Variants in FCHSD2 observed in about 807,000 individuals in gnomAD.
The protein encoded by FCHSD2 is F-BAR and double SH3 domains protein 2.
A neutral mutation model predicts 108.1 loss-of-function variants in FCHSD2; 38 were observed. The ratio of observed to expected loss-of-function variants is 0.35; its 90% confidence interval spans 0.27 to 0.46. The LOEUF (loss-of-function observed/expected upper bound fraction) is 0.46, where lower values mean the gene tolerates loss of function less well. Among genes scored for constraint, FCHSD2 ranks in the 20% least tolerant of loss-of-function variants. The pLI is 1.00. For synonymous variants in FCHSD2, 279 were observed against 314.7 expected (o/e 0.89, Z 1.20); for missense variants, 751 against 897.8 (o/e 0.84, Z 2.09).
intron 2 of FCHSD2, among the ~76,000 whole-genome samples, chr11:73,127,925 G>A (rs1039466401): frequency 6.7e-5 from 10 of 148,986 alleles, no homozygotes; most frequent in South Asian, 2.1e-4. Flanking sequence ...GTGAAGCACC[G>A]TCTCTACTAA....
At chr11:72,925,699 C>T (rs1199749666) in intron 8 of FCHSD2, among the ~76,000 whole-genome samples, 1 of 152,210 alleles carries the variant, frequency 6.6e-6, no homozygotes, top group East Asian at 1.9e-4. Context: ...ATCGAAATGG[C>T]TGCCAAAGCC....
intron 8 of FCHSD2, chr11:72,940,904 A>T: frequency 1.2e-6 from 1 of 863,250 alleles, no homozygotes; most frequent in Non-Finnish European, 2.0e-6. Flanking sequence ...ATCCTCATTG[A>T]TCCATTCCAT....
At chr11:72,959,604 A>G (rs1479347107) in intron 8 of FCHSD2, among the ~76,000 whole-genome samples, 1 of 152,138 alleles carries the variant, frequency 6.6e-6, no homozygotes, top group East Asian at 1.9e-4. Flanking sequence ...TTCTACAGTC[A>G]GTCAGGTGCC....
chr11:72,902,340 G>A (rs1393306639), intron 10 of FCHSD2, among the ~76,000 whole-genome samples: 4 of 152,100 alleles, frequency 2.6e-5, no homozygotes, highest in African/African-American at 9.7e-5. Flanking sequence ...TCATTTGGTA[G>A]AAGGTTGCTA....
intron 13 of FCHSD2, among the ~76,000 whole-genome samples, chr11:72,855,071 C>A (rs910631342): frequency 6.6e-6 from 1 of 152,264 alleles, no homozygotes; most frequent in East Asian, 1.9e-4. Context: ...GTCGGGAGTT[C>A]GAAACCAGTC....
chr11:72,896,764 T>TA (rs58159831), intron 10 of FCHSD2, among the ~76,000 whole-genome samples: 6,564 of 68,418 alleles, frequency 0.096, 296 homozygotes, highest in South Asian at 0.15. Context: ...GGGAAAATAC[T>TA]AAAAAAAAAA....
At chr11:73,130,174 CA>C (rs1019463907) in intron 2 of FCHSD2, among the ~76,000 whole-genome samples, 21 of 152,140 alleles carry the variant, frequency 1.4e-4, no homozygotes, top group African/African-American at 5.1e-4. Context: ...GCGCCTGGCC[CA>C]TAATCTCTTA....
chr11:72,870,275 C>T (rs567976151), intron 12 of FCHSD2, among the ~76,000 whole-genome samples: 7 of 152,170 alleles, frequency 4.6e-5, no homozygotes, highest in African/African-American at 1.4e-4. Flanking sequence ...GTGATAGGCA[C>T]GAAATTATAC....
At chr11:72,921,230 T>C (rs1855970934) in intron 9 of FCHSD2, among the ~76,000 whole-genome samples, 1 of 152,234 alleles carries the variant, frequency 6.6e-6, no homozygotes, top group South Asian at 2.1e-4. Flanking sequence ...TTCCAAAGGA[T>C]AGTTTCACGA....
chr11:73,021,626 G>A (rs903961654), intron 3 of FCHSD2, among the ~76,000 whole-genome samples: 1 of 152,024 alleles, frequency 6.6e-6, no homozygotes, highest in Non-Finnish European at 1.5e-5. Context: ...TAATACCTGG[G>A]TAACGAAATA....
In FCHSD2 at chr11:73,075,898, C is replaced by T. The variant is rs7951007; in HGVS notation, c.165+7797G>A. 9.2e-3 allele frequency among the ~76,000 whole-genome samples: 1,395 copies of T among 152,230 alleles called. 9 individuals are homozygous for T. The highest frequency in any genetic ancestry group is 0.015 in the Non-Finnish European group (1,001 of 68,014). ...CAATGGGAGGCCAACGCAGTCGGATCGCTTGAGTCCAGGAGTTCGAGACCA... is the reference window on the plus strand; with the variant it reads ...CAATGGGAGGCCAACGCAGTCGGATTGCTTGAGTCCAGGAGTTCGAGACCA... On this transcript the variant is annotated intron_variant, in intron 3 of 19. Coordinates refer to ENST00000409418, the MANE Select transcript of FCHSD2 (RefSeq NM_014824.3).
chr11:72,906,926 T>A (rs1855642199), intron 9 of FCHSD2, among the ~76,000 whole-genome samples: 4 of 152,222 alleles, frequency 2.6e-5, no homozygotes, highest in Non-Finnish European at 5.9e-5. Flanking sequence ...CGGTTCCATA[T>A]GAACTTTAAA....
chr11:72,959,925 G>C (rs537585168), intron 8 of FCHSD2, among the ~76,000 whole-genome samples: 1 of 151,448 alleles, frequency 6.6e-6, no homozygotes, highest in Non-Finnish European at 1.5e-5. Flanking sequence ...TCAATGCACT[G>C]ACCTCAGTCT....
intron 3 of FCHSD2, among the ~76,000 whole-genome samples, chr11:73,070,775 A>T (rs1859418583): frequency 1.3e-5 from 2 of 151,992 alleles, no homozygotes; most frequent in South Asian, 4.1e-4. Context: ...TATTAAGTGA[A>T]TGGTGACCTT....
intron 3 of FCHSD2, among the ~76,000 whole-genome samples, chr11:73,044,247 G>A (rs965912020): frequency 1.3e-5 from 2 of 151,900 alleles, no homozygotes; most frequent in African/African-American, 4.8e-5. Context: ...ACTTATTAAC[G>A]CTGAATTCCT....
chr11:73,041,028 G>C (rs1565380966), intron 3 of FCHSD2, among the ~76,000 whole-genome samples: 1 of 152,092 alleles, frequency 6.6e-6, no homozygotes, highest in Non-Finnish European at 1.5e-5. Context: ...ATGACCTCCA[G>C]TTCCATCCAT....
At chr11:73,122,851 C>T (rs1187068165) in intron 2 of FCHSD2, among the ~76,000 whole-genome samples, 8 of 152,190 alleles carry the variant, frequency 5.3e-5, no homozygotes, top group Non-Finnish European at 1.5e-5. Context: ...TGTTCTACTA[C>T]ATTTACAAAG....
At chr11:73,039,779 A>T (rs1858589080) in intron 3 of FCHSD2, among the ~76,000 whole-genome samples, 1 of 152,144 alleles carries the variant, frequency 6.6e-6, no homozygotes, top group African/African-American at 2.4e-5. Context: ...TTCTTTTTTG[A>T]TGACTTTAAG....
intron 3 of FCHSD2, among the ~76,000 whole-genome samples, chr11:73,033,176 T>C (rs1006690296): frequency 1.1e-4 from 16 of 151,634 alleles, no homozygotes; most frequent in Middle Eastern, 3.4e-3. Context: ...TAGTTCCAGC[T>C]ACTCGGGAGG....
Sources: allele counts gnomAD v4.1 joint callset (sites outside exome capture counted in the v4.1 genomes callset), GRCh38; gene constraint gnomAD v4.1.1; transcripts MANE v1.5; gene names NCBI Gene and HGNC (gene_info 2026-07-23, HGNC 2026-07-21).